TXNDC12: variants seen among roughly 807,000 people sequenced by gnomAD.
The protein encoded by TXNDC12 is thioredoxin domain-containing protein 12.
Under a neutral mutation model 24.2 loss-of-function variants are expected in TXNDC12, and 22 were observed. The ratio of observed to expected loss-of-function variants is 0.91; its 90% confidence interval spans 0.65 to 1.30. The LOEUF is 1.30. Among genes scored for constraint, TXNDC12 ranks in the 50% most tolerant of loss-of-function variants. The pLI is 0.00. For synonymous variants in TXNDC12, 58 were observed against 73.4 expected (o/e 0.79, Z 1.07); for missense variants, 184 against 205.8 (o/e 0.89, Z 0.65).
At chr1:52,031,871 A>G (rs1397131440) in intron 2 of TXNDC12, among the ~76,000 whole-genome samples, 1 of 152,222 alleles carries the variant, frequency 6.6e-6, no homozygotes, top group East Asian at 1.9e-4. Flanking sequence ...CATTTGTTCA[A>G]TGAAATCAAT....
At chr1:52,052,160 T>C (rs568848527) in intron 1 of TXNDC12, among the ~76,000 whole-genome samples, 14 of 152,344 alleles carry the variant, frequency 9.2e-5, no homozygotes, top group African/African-American at 2.6e-4. Flanking sequence ...CATGCTGCCA[T>C]GTAACTGTCT....
At chr1:52,052,119 T>C (rs1304622975) in intron 1 of TXNDC12, among the ~76,000 whole-genome samples, 1 of 152,202 alleles carries the variant, frequency 6.6e-6, no homozygotes. Flanking sequence ...CTCCTGCAGC[T>C]ACCTGGTATT....
intron 1 of TXNDC12, among the ~76,000 whole-genome samples, chr1:52,053,989 A>G (rs1408891894): frequency 1.3e-5 from 2 of 152,246 alleles, no homozygotes; most frequent in African/African-American, 4.8e-5. Flanking sequence ...CCACCAGAGT[A>G]GGAACCTTGT....
intron 2 of TXNDC12, chr1:52,032,069 T>G: frequency 1.1e-6 from 1 of 884,700 alleles, no homozygotes; most frequent in Non-Finnish European, 1.4e-6. Context: ...TTACATGAAG[T>G]TACACAGGGA....
chr1:52,041,592 C>T lies in TXNDC12; in HGVS notation c.103G>A (p.Gly35Arg). Residue 35 changes from glycine to arginine, a missense_variant, in exon 2 of 7, where the codon GGA becomes AGA. By Grantham distance (125) the Gly-to-Arg change is moderately radical. Coordinates refer to ENST00000371626, the MANE Select transcript of TXNDC12 (RefSeq NM_015913.4). Reference sequence around the variant, plus strand: ...AGTGTCCTCCAATGAATATGATCTCCAAAACCTGGAAGGAAAGAACTTTAT... The same window carrying T: ...AGTGTCCTCCAATGAATATGATCTCTAAAACCTGGAAGGAAAGAACTTTAT... Reference protein sequence around the residue: ...DGHNGLGKGFGDHIHWRTLED... With the variant: ...DGHNGLGKGFRDHIHWRTLED... 6 of 1,609,222 alleles carry T rather than the reference C, an allele frequency of 3.7e-6. No individual in the cohort carries two copies. The highest frequency in any genetic ancestry group is 5.1e-6 in the Non-Finnish European group (6 of 1,176,946).
intron 2 of TXNDC12, chr1:52,033,231 T>C (rs760381422): frequency 6.2e-7 from 1 of 1,614,164 alleles, no homozygotes; most frequent in Non-Finnish European, 8.5e-7. Context: ...CCCCGGATTC[T>C]TCTCGCTCCA....
At chr1:52,038,319 T>TC (rs1037332549) in intron 2 of TXNDC12, among the ~76,000 whole-genome samples, 1 of 151,954 alleles carries the variant, frequency 6.6e-6, no homozygotes, top group African/African-American at 2.4e-5. Flanking sequence ...TATCTTGTTT[T>TC]TTTTTTTTTT....
At chr1:52,029,349 A>C (rs1475458794) in intron 2 of TXNDC12, among the ~76,000 whole-genome samples, 2 of 152,192 alleles carry the variant, frequency 1.3e-5, no homozygotes, top group African/African-American at 4.8e-5. Flanking sequence ...TTTTCCTTAC[A>C]CTACATCTGT....
Position 52,020,639 on chromosome 1 carries a change from T to C in TXNDC12, c.*294A>G. 2.6e-6 allele frequency: 1 copy of C among 389,118 alleles called. No homozygotes were observed. The highest frequency in any genetic ancestry group is 5.3e-5 in the South Asian group (1 of 18,850). The allele number at this position is 389,118 out of a possible 1,614,324, so 24.1% of individuals were successfully genotyped here. A position where few individuals can be genotyped will look rare whatever the true frequency, so the allele number is the denominator to read the frequency against. On this transcript the variant is annotated 3_prime_UTR_variant, in exon 7 of 7. Coordinates refer to ENST00000371626, the MANE Select transcript of TXNDC12 (RefSeq NM_015913.4). ...AATACTTAAGTGCGAGGAGTAAACA[T>C]CCAAGTGGCTCAAGTTTTGTGTCAG...
At chr1:52,024,938 A>G (rs960530431) in intron 4 of TXNDC12, among the ~76,000 whole-genome samples, 3 of 152,190 alleles carry the variant, frequency 2.0e-5, no homozygotes, top group African/African-American at 4.8e-5. Flanking sequence ...TTTTCAAACC[A>G]TCTATTTAAA....
intron 1 of TXNDC12, among the ~76,000 whole-genome samples, chr1:52,054,203 C>T (rs943056286): frequency 4.7e-5 from 7 of 147,578 alleles, no homozygotes; most frequent in African/African-American, 1.7e-4. Flanking sequence ...TCATTCCATA[C>T]AGTAAGGTCA....
At chr1:52,044,352 AAAAGAGACT>A (rs1686048403) in intron 1 of TXNDC12, 1 of 152,224 alleles carries the variant, frequency 6.6e-6, no homozygotes, top group Non-Finnish European at 1.5e-5. Flanking sequence ...CACAACCCTC[AAAAGAGACT>A]AAAGTGATTC....
chr1:52,048,194 G>T (rs970699683), intron 1 of TXNDC12, among the ~76,000 whole-genome samples: 29 of 152,244 alleles, frequency 1.9e-4, no homozygotes, highest in African/African-American at 6.7e-4. Context: ...GCCAGTTGTG[G>T]TGGCTCACAC....
At chr1:52,028,509 A>G (rs1469204536) in intron 3 of TXNDC12, 69 bp downstream of exon 3, 59 of 1,284,462 alleles carry the variant, frequency 4.6e-5, no homozygotes, top group East Asian at 2.6e-4. Flanking sequence ...GTCAGTGCCA[A>G]TATTTGTTAA....
At chr1:52,055,598 G>T (rs1686327727), upstream of TXNDC12, 2 of 160,968 alleles carry the variant, frequency 1.2e-5, no homozygotes, top group African/African-American at 4.8e-5. Flanking sequence ...ATCAAGACTG[G>T]ACAACTGGAT....
At chr1:52,032,823 C>T in intron 2 of TXNDC12, 1 of 1,614,156 alleles carries the variant, frequency 6.2e-7, no homozygotes, top group Non-Finnish European at 8.5e-7. Flanking sequence ...CTGCCATGGT[C>T]AAGGGCCGGG....
upstream of TXNDC12, chr1:52,055,319 C>A (rs1367623572): frequency 3.9e-6 from 2 of 509,222 alleles, no homozygotes; most frequent in Non-Finnish European, 7.2e-6. Flanking sequence ...TAGAAGGGTA[C>A]GAGAGCTGTT....
chr1:52,030,254 C>T (rs1165720308), intron 2 of TXNDC12: 1 of 152,016 alleles, frequency 6.6e-6, no homozygotes, highest in Non-Finnish European at 1.5e-5. Flanking sequence ...CCTGTAGTCC[C>T]AGCTACTCAC....
At chr1:52,030,570 T>C (rs1201000678) in intron 2 of TXNDC12, 3 of 152,186 alleles carry the variant, frequency 2.0e-5, no homozygotes, top group African/African-American at 7.2e-5. Context: ...AAACAAAAGG[T>C]AGTATAGATT....
Sources: allele counts gnomAD v4.1 joint callset (sites outside exome capture counted in the v4.1 genomes callset), GRCh38; gene constraint gnomAD v4.1.1; transcripts MANE v1.5; gene names NCBI Gene and HGNC (gene_info 2026-07-23, HGNC 2026-07-21).